Variants in POC1B observed in about 807,000 individuals in gnomAD.
The protein encoded by POC1B is POC1 centriolar protein B.
In POC1B, 44 loss-of-function variants were observed where a neutral mutation model predicts 60.6. That is an observed-to-expected ratio of 0.73 (90% CI 0.57 to 0.93). The LOEUF (loss-of-function observed/expected upper bound fraction) is 0.93, where lower values mean the gene tolerates loss of function less well. Among genes scored for constraint, POC1B ranks in the 40% least tolerant of loss-of-function variants. POC1B has a pLI of 0.00. For synonymous variants in POC1B, 180 were observed against 198.9 expected (o/e 0.90, Z 0.80); for missense variants, 555 against 572.3 (o/e 0.97, Z 0.31).
intron 11 of POC1B, 46 bp from the exon 12 acceptor site, chr12:89,421,303 T>A: frequency 6.9e-7 from 1 of 1,448,916 alleles, no homozygotes; most frequent in Non-Finnish European, 9.6e-7. Flanking sequence ...CCTCTGGTGG[T>A]GAGGATGACA....
At chr12:89,444,614 T>A (rs1049423118) in intron 10 of POC1B, among the ~76,000 whole-genome samples, 1 of 152,246 alleles carries the variant, frequency 6.6e-6, no homozygotes, top group African/African-American at 2.4e-5. Flanking sequence ...CTCAAAATAA[T>A]AAGAACTATT....
At chr12:89,501,794 CA>C (rs1869581343) in intron 2 of POC1B, 1 of 1,058,158 alleles carries the variant, frequency 9.5e-7, no homozygotes. Flanking sequence ...GCTAAGAAAA[CA>C]AATCAGTCAT....
chr12:89,463,310 A>G (rs1192361028), intron 9 of POC1B, among the ~76,000 whole-genome samples: 1 of 152,250 alleles, frequency 6.6e-6, no homozygotes, highest in African/African-American at 2.4e-5. Context: ...TTCTCCTAGA[A>G]TAACTATTTT....
intron 2 of POC1B, among the ~76,000 whole-genome samples, chr12:89,516,268 T>G (rs1457324156): frequency 6.6e-6 from 1 of 152,214 alleles, no homozygotes; most frequent in African/African-American, 2.4e-5. Flanking sequence ...TCTCCTCTTC[T>G]GATCTACAGG....
chr12:89,489,896 A>T (rs1868860372), intron 4 of POC1B, among the ~76,000 whole-genome samples: 1 of 152,210 alleles, frequency 6.6e-6, no homozygotes, highest in Non-Finnish European at 1.5e-5. Context: ...CAGCAGCCAC[A>T]GCATCTCACT....
chr12:89,468,213 G>A (rs898666991), intron 7 of POC1B, among the ~76,000 whole-genome samples: 3 of 152,174 alleles, frequency 2.0e-5, no homozygotes, highest in Non-Finnish European at 4.4e-5. Context: ...TCACAATTCT[G>A]AGAAAGATGA....
intron 2 of POC1B, among the ~76,000 whole-genome samples, chr12:89,512,335 CT>C (rs1870229985): frequency 6.6e-6 from 1 of 152,156 alleles, no homozygotes; most frequent in Non-Finnish European, 1.5e-5. Context: ...AAAAAGTAAT[CT>C]TTAGTAATGA....
At chr12:89,436,676 T>C (rs1592584413) in intron 10 of POC1B, among the ~76,000 whole-genome samples, 1 of 151,864 alleles carries the variant, frequency 6.6e-6, no homozygotes, top group East Asian at 1.9e-4. Context: ...ATCGCTATAC[T>C]GTATTCCAGC....
chr12:89,505,593 A>G (rs1869854855), intron 2 of POC1B, among the ~76,000 whole-genome samples: 1 of 152,206 alleles, frequency 6.6e-6, no homozygotes, highest in African/African-American at 2.4e-5. Context: ...AAGGGAACAC[A>G]AGAGGGGACT....
intron 2 of POC1B, among the ~76,000 whole-genome samples, chr12:89,504,572 C>G (rs1194216742): frequency 1.3e-5 from 2 of 149,942 alleles, no homozygotes; most frequent in Non-Finnish European, 3.0e-5. Context: ...CCAAATCCCT[C>G]TCTGCAAGAA....
chr12:89,425,254 C>T lies in POC1B; in HGVS notation c.1239G>A (p.Met413Ile), dbSNP rs747299500. ...TTTGACTTTCACAGGGGAGGTCACT[C>T]ATGTCTTCTGTTTTCTTTTTCGTGG... ...PTTTKKKTED[M>I]SDLPCESQRS... Residue 413 changes from methionine to isoleucine, a missense_variant, in exon 11 of 12, where the codon ATG (methionine) becomes ATA (isoleucine). Transcript: ENST00000313546. The T allele has an allele frequency of 4.2e-5, 68 of 1,613,994 alleles. No homozygotes were observed. The South Asian group carries it at 7.4e-4, about 17-fold the overall frequency.
chr12:89,503,383 C>T (rs1417484764), intron 2 of POC1B, among the ~76,000 whole-genome samples: 1 of 152,264 alleles, frequency 6.6e-6, no homozygotes, highest in Admixed American at 6.5e-5. Flanking sequence ...TCCCGAGGTG[C>T]CGGGATTGCA....
At chr12:89,434,613 T>G (rs1881173246) in intron 10 of POC1B, among the ~76,000 whole-genome samples, 1 of 152,232 alleles carries the variant, frequency 6.6e-6, no homozygotes, top group Non-Finnish European at 1.5e-5. Context: ...GGATCTTAAT[T>G]AATGATACTC....
intron 9 of POC1B, chr12:89,466,568 T>G: frequency 2.3e-6 from 1 of 442,018 alleles, no homozygotes; most frequent in South Asian, 5.1e-5. Flanking sequence ...ATCAACACTA[T>G]TTTTTAGTTT....
chr12:89,484,044 C>T (rs926152355), intron 4 of POC1B, among the ~76,000 whole-genome samples: 1 of 152,078 alleles, frequency 6.6e-6, no homozygotes, highest in Non-Finnish European at 1.5e-5. Flanking sequence ...TAACATTATA[C>T]ATAAAACAGC....
chr12:89,408,508 C>T, the POC1B span, among the ~76,000 whole-genome samples: 9,510 of 143,510 alleles, frequency 0.066, 729 homozygotes, highest in East Asian at 0.26. Flanking sequence ...TTTTTTGAGA[C>T]GGAGTCTCGC....
At chr12:89,492,168 T>A (rs1592624516) in intron 3 of POC1B, 53 bp from the exon 4 acceptor site, 10 of 1,307,840 alleles carry the variant, frequency 7.6e-6, no homozygotes, top group Non-Finnish European at 9.2e-6. Context: ...TTATAGTTAA[T>A]ACTTAATCAC....
chr12:89,401,763 A>G, the POC1B span, among the ~76,000 whole-genome samples: 2 of 152,248 alleles, frequency 1.3e-5, no homozygotes, highest in East Asian at 3.8e-4. Flanking sequence ...ACAATGTGTC[A>G]TTATGACACT....
intron 2 of POC1B, among the ~76,000 whole-genome samples, chr12:89,510,565 A>T (rs1056555884): frequency 3.3e-5 from 5 of 152,114 alleles, no homozygotes; most frequent in African/African-American, 1.2e-4. Context: ...AGCCAAGGAG[A>T]TCATCACCTT....
Sources: allele counts gnomAD v4.1 joint callset (sites outside exome capture counted in the v4.1 genomes callset), GRCh38; gene constraint gnomAD v4.1.1; transcripts MANE v1.5; gene names NCBI Gene and HGNC (gene_info 2026-07-23, HGNC 2026-07-21).